FBP1: variants seen among roughly 807,000 people sequenced by gnomAD.
The protein encoded by FBP1 is fructose-1,6-bisphosphatase 1.
FBP1 carries 22 observed loss-of-function variants against 29.9 expected under a neutral mutation model. The ratio of observed to expected loss-of-function variants is 0.74; its 90% CI spans 0.53 to 1.05. The LOEUF (loss-of-function observed/expected upper bound fraction) is 1.05, where lower values mean the gene tolerates loss of function less well. FBP1 is among the 50% of genes least tolerant of loss of function. The probability of loss-of-function intolerance (pLI) is 0.00; values close to 1 mark genes in which losing one functional copy is unlikely to be tolerated. For synonymous variants in FBP1, 175 were observed against 178.6 expected (o/e 0.98, Z 0.16); for missense variants, 345 against 448.2 (o/e 0.77, Z 2.08).
At chr9:94,633,833 T>A (rs1828147321) in intron 1 of FBP1, among the ~76,000 whole-genome samples, 1 of 151,674 alleles carries the variant, frequency 6.6e-6, no homozygotes, top group South Asian at 2.1e-4. Flanking sequence ...GCCTCCCAAG[T>A]AGCTGGGATT....
chr9:94,606,800 C>G lies in FBP1; in HGVS notation c.705+15G>C. 1 of 1,612,074 alleles carries G rather than the reference C, an allele frequency of 6.2e-7. No individual in the cohort carries two copies. Among genetic ancestry groups the G allele is most frequent in the Non-Finnish European group, 8.5e-7 (1 of 1,179,040 alleles). Reference sequence around the variant, plus strand: ...TGCCCAGAACCTGCACCACCCTCCCCGGGCCCTCACTTACTGGGGGGAACT... The same window carrying G: ...TGCCCAGAACCTGCACCACCCTCCCGGGGCCCTCACTTACTGGGGGGAACT... On this transcript the variant is annotated intron_variant, in intron 5 of 6. Coordinates refer to ENST00000375326, the MANE Select transcript of FBP1 (RefSeq NM_000507.4).
At chr9:94,624,381 G>C (rs1488913847) in intron 1 of FBP1, among the ~76,000 whole-genome samples, 1 of 148,572 alleles carries the variant, frequency 6.7e-6, no homozygotes, top group Non-Finnish European at 1.5e-5. Flanking sequence ...GGCCAGGCAC[G>C]GTGGCTCACG....
At position 94,639,296 on chromosome 9, in the gene FBP1, C is replaced by A; in HGVS notation, c.15G>T (p.Ala5=). The A allele has an allele frequency of 6.2e-7, 1 of 1,607,352 alleles. No homozygotes were observed. The highest frequency in any genetic ancestry group is 8.5e-7 in the Non-Finnish European group (1 of 1,177,122). MADQ[A]PFDTDVNTLT... is the part of the protein sequence containing the mutation. ...GGGTGTTGACGTCCGTGTCGAAGGG[C>A]GCCTGGTCAGCCATGCTTGAACCGG... The change falls in exon 1 of 7, where the codon GCG becomes GCT. Residue 5 remains alanine, a synonymous_variant. Coordinates refer to ENST00000375326, the MANE Select transcript of FBP1 (RefSeq NM_000507.4).
chr9:94,637,831 G>A (rs917421053), intron 1 of FBP1, among the ~76,000 whole-genome samples: 1 of 151,874 alleles, frequency 6.6e-6, no homozygotes, highest in South Asian at 2.1e-4. Flanking sequence ...GCTCATGCCT[G>A]TAATCCCAGC....
At chr9:94,623,305 A>ATTCC (rs968731899) in intron 1 of FBP1, among the ~76,000 whole-genome samples, 1 of 152,160 alleles carries the variant, frequency 6.6e-6, no homozygotes, top group African/African-American at 2.4e-5. Context: ...CTCACTTCTG[A>ATTCC]TTCCGGAGGG....
chr9:94,630,541 T>C (rs1425544033), intron 1 of FBP1, among the ~76,000 whole-genome samples: 1 of 152,206 alleles, frequency 6.6e-6, no homozygotes, highest in Non-Finnish European at 1.5e-5. Context: ...TCACTTAGCA[T>C]CTGTGACCTC....
At chr9:94,611,799 C>T (rs551899655) in intron 3 of FBP1, among the ~76,000 whole-genome samples, 1 of 152,308 alleles carries the variant, frequency 6.6e-6, no homozygotes, top group African/African-American at 2.4e-5. Context: ...AGCCTAGACA[C>T]ACTGTCAGAC....
At chr9:94,618,231 C>T (rs13291835) in intron 2 of FBP1, among the ~76,000 whole-genome samples, 54,769 of 151,614 alleles carry the variant, frequency 0.36, 10,094 homozygotes, top group East Asian at 0.55. Flanking sequence ...AAAATAATTC[C>T]TTAGGTGAAG....
Position 94,623,914 on chromosome 9 carries a change from G to A in FBP1, c.171-3423C>T, listed in dbSNP as rs183893395. The stretch of plus-strand genomic sequence containing the variant: ...ATATGTCAGATAGTGACAGATGCTC[G>A]CTGACATAAAACAAAAACAAGGTGA... On this transcript the variant is annotated intron_variant, in intron 1 of 6. Coordinates refer to ENST00000375326, the MANE Select transcript of FBP1 (RefSeq NM_000507.4). Among the ~76,000 whole-genome samples, 6 of 152,136 alleles carry A rather than the reference G, an allele frequency of 3.9e-5. No individual in the cohort carries two copies. The East Asian group carries it at 5.8e-4, about 15-fold the overall frequency.
At chr9:94,639,565 GC>G (rs1183626060), upstream of FBP1, 7 of 577,792 alleles carry the variant, frequency 1.2e-5, no homozygotes, top group Admixed American at 3.0e-5. Flanking sequence ...ACGCGGGTCG[GC>G]CCCCCGCCCC....
At chr9:94,625,465 C>T (rs1366566832) in intron 1 of FBP1, among the ~76,000 whole-genome samples, 1 of 151,892 alleles carries the variant, frequency 6.6e-6, no homozygotes, top group African/African-American at 2.4e-5. Context: ...CGGGGCTGCC[C>T]GCATCCACCA....
chr9:94,623,619 A>G (rs970248111), intron 1 of FBP1, among the ~76,000 whole-genome samples: 3 of 152,140 alleles, frequency 2.0e-5, no homozygotes, highest in African/African-American at 7.2e-5. Flanking sequence ...GTCCTATATT[A>G]CCTTTTGGCC....
At chr9:94,613,545 G>A (rs970218716) in intron 3 of FBP1, among the ~76,000 whole-genome samples, 2 of 151,412 alleles carry the variant, frequency 1.3e-5, no homozygotes, top group Non-Finnish European at 2.9e-5. Flanking sequence ...CGGGAGGATC[G>A]CCTCAGCCCA....
chr9:94,619,900 A>AAAAAAAG (rs1827920528), intron 2 of FBP1, among the ~76,000 whole-genome samples: 1 of 146,430 alleles, frequency 6.8e-6, no homozygotes, highest in African/African-American at 2.5e-5. Context: ...AAAAAAAAAA[A>AAAAAAAG]AAGAAGCAGA....
At chr9:94,612,919 G>A (rs1827807136) in intron 3 of FBP1, among the ~76,000 whole-genome samples, 1 of 152,098 alleles carries the variant, frequency 6.6e-6, no homozygotes, top group Admixed American at 6.6e-5. Context: ...TCCTGCAGAT[G>A]CCCAGGGACC....
At chr9:94,622,284 A>G (rs1315065624) in intron 1 of FBP1, among the ~76,000 whole-genome samples, 1 of 152,246 alleles carries the variant, frequency 6.6e-6, no homozygotes, top group African/African-American at 2.4e-5. Context: ...AAGGATGCAC[A>G]GAGCAAGGCG....
chr9:94,605,660 C>T (rs1179787423), intron 5 of FBP1, 84 bp from the exon 6 acceptor site: 6 of 1,336,998 alleles, frequency 4.5e-6, no homozygotes, highest in African/African-American at 4.3e-5. Flanking sequence ...TCTTTGATTC[C>T]ACATCCATTC....
intron 1 of FBP1, among the ~76,000 whole-genome samples, chr9:94,631,802 C>G (rs1828108071): frequency 6.6e-6 from 1 of 152,178 alleles, no homozygotes; most frequent in Non-Finnish European, 1.5e-5. Flanking sequence ...TGGCTTGTTA[C>G]TGCTTGATTC....
intron 4 of FBP1, among the ~76,000 whole-genome samples, chr9:94,607,859 A>AGAC (rs1471513319): frequency 6.6e-6 from 1 of 152,182 alleles, no homozygotes; most frequent in African/African-American, 2.4e-5. Flanking sequence ...GAAACCAGAC[A>AGAC]GACAGGGAGA....
Sources: allele counts gnomAD v4.1 joint callset (sites outside exome capture counted in the v4.1 genomes callset), GRCh38; gene constraint gnomAD v4.1.1; transcripts MANE v1.5; gene names NCBI Gene and HGNC (gene_info 2026-07-23, HGNC 2026-07-21).